HDAC9: variants seen among roughly 807,000 people sequenced by gnomAD.
The protein encoded by HDAC9 is histone deacetylase 9, also known as MEF-2 interacting transcription repressor (MITR) protein.
In HDAC9, 41 loss-of-function variants were observed where a neutral mutation model predicts 139.4. The ratio of observed to expected loss-of-function variants is 0.29; its 90% confidence interval spans 0.23 to 0.38. The LOEUF (loss-of-function observed/expected upper bound fraction) is 0.38, where lower values mean the gene tolerates loss of function less well. Among genes scored for constraint, HDAC9 ranks in the 10% least tolerant of loss-of-function variants. HDAC9 has a pLI of 1.00. For synonymous variants in HDAC9, 517 were observed against 476.2 expected, an observed-to-expected ratio of 1.09 and a Z score of -1.12; for missense variants, 1,147 against 1,297.0, an observed-to-expected ratio of 0.88 and a Z score of 1.78.
chr7:18,280,755 C>G (rs1051257222), intron 2 of HDAC9, among the ~76,000 whole-genome samples: 6 of 110,740 alleles, frequency 5.4e-5, no homozygotes, highest in African/African-American at 1.9e-4. Context: ...AGAATGAGAC[C>G]CTGTCTCAAA....
At chr7:18,659,487 A>G (rs1036744646) in intron 11 of HDAC9, among the ~76,000 whole-genome samples, 1 of 152,144 alleles carries the variant, frequency 6.6e-6, no homozygotes, top group African/African-American at 2.4e-5. Flanking sequence ...AAATTTGGAT[A>G]AATTACGATG....
rs1003484599 is a variant in HDAC9, at chr7:18,949,557, G to A, written c.2938-4589G>A. The A allele has an allele frequency of 3.0e-4, 62 of 210,066 alleles. 1 individual carries two copies. The highest frequency in any genetic ancestry group is 3.4e-4 in the South Asian group (4 of 11,688). The allele number at this position is 210,066 out of a possible 1,614,324, so 13.0% of individuals were successfully genotyped here. A position where few individuals can be genotyped will look rare whatever the true frequency, so the allele number is the denominator to read the frequency against. ...CCAGTGTTACTTTTATTTGGACTGC[G>A]TTTATATTTCATTGCTTCTGCTTCA... On this transcript the variant is annotated intron_variant, in intron 23 of 25. Coordinates refer to ENST00000686413, the MANE Select transcript of HDAC9 (RefSeq NM_178425.4).
rs1028110654 is a variant in HDAC9, at chr7:19,001,954, G to A, written c.*5892G>A. 6.6e-6 allele frequency: 1 copy of A among 151,976 alleles called. No individual in the cohort carries two copies. Among genetic ancestry groups the A allele is most frequent in the Non-Finnish European group, 1.5e-5 (1 of 67,926 alleles). 9.4% of individuals were successfully genotyped at this position (151,976 alleles called of 1,614,324 possible). On this transcript the variant is annotated 3_prime_UTR_variant, in exon 26 of 26. Transcript: ENST00000686413. ...GTATGCCAATAGCCTAGAATTTTTG[G>A]CTTAGTGTAAAATAAAAATGTCTTT...
intron 1 of HDAC9, among the ~76,000 whole-genome samples, chr7:18,105,823 C>G (rs1303707301): frequency 6.6e-6 from 1 of 151,862 alleles, no homozygotes; most frequent in African/African-American, 2.4e-5. Context: ...TGGAAACAAC[C>G]CAAATGTTTA....
intron 24 of HDAC9, among the ~76,000 whole-genome samples, chr7:18,970,585 T>TAAAC (rs1188329030): frequency 6.6e-6 from 1 of 152,202 alleles, no homozygotes; most frequent in East Asian, 1.9e-4. Context: ...TTTTTGCATT[T>TAAAC]AAACAATGTT....
intron 14 of HDAC9, among the ~76,000 whole-genome samples, chr7:18,756,747 G>A (rs1379166504): frequency 6.6e-6 from 1 of 152,156 alleles, no homozygotes; most frequent in Non-Finnish European, 1.5e-5. Context: ...GGACACGTGG[G>A]AGTCAGGACC....
intron 21 of HDAC9, among the ~76,000 whole-genome samples, chr7:18,854,841 C>T (rs1797557035): frequency 6.6e-6 from 1 of 151,976 alleles, no homozygotes; most frequent in Admixed American, 6.6e-5. Flanking sequence ...GGGATTTTAT[C>T]ACGGTCATTG....
chr7:18,340,173 T>C (rs1036122672), intron 1 of HDAC9, among the ~76,000 whole-genome samples: 1 of 151,576 alleles, frequency 6.6e-6, no homozygotes, highest in African/African-American at 2.4e-5. Flanking sequence ...TTCTTTGCTT[T>C]GCAAACTATA....
chr7:18,406,472 C>T (rs1284113042), intron 1 of HDAC9, among the ~76,000 whole-genome samples: 5 of 152,040 alleles, frequency 3.3e-5, no homozygotes, highest in Non-Finnish European at 7.4e-5. Context: ...CAGCTCACTG[C>T]AAGCTCCGCC....
intron 1 of HDAC9, among the ~76,000 whole-genome samples, chr7:18,141,517 A>T (rs796452084): frequency 2.2e-4 from 33 of 152,286 alleles, no homozygotes; most frequent in African/African-American, 7.2e-4. Flanking sequence ...GAGGACTAAC[A>T]TCTCTGAATA....
chr7:18,143,935 A>T (rs977904009), intron 1 of HDAC9, among the ~76,000 whole-genome samples: 9 of 152,156 alleles, frequency 5.9e-5, no homozygotes, highest in Non-Finnish European at 2.9e-5. Flanking sequence ...GAAGAAAAAA[A>T]GCCTAAATCG....
At chr7:18,934,945 A>C (rs959969420) in intron 22 of HDAC9, among the ~76,000 whole-genome samples, 1 of 152,198 alleles carries the variant, frequency 6.6e-6, no homozygotes, top group African/African-American at 2.4e-5. Context: ...ACCTCTGTTG[A>C]CATATAATGG....
At chr7:18,099,898 A>G (rs1346006152) in intron 1 of HDAC9, among the ~76,000 whole-genome samples, 1 of 152,172 alleles carries the variant, frequency 6.6e-6, no homozygotes, top group East Asian at 1.9e-4. Flanking sequence ...AATCTTTTGT[A>G]TTTACTCGAG....
Position 18,732,793 on chromosome 7 carries a change from T to TTGTGCGTATGTGTACACACACGTGTGTA in HDAC9, c.1909+5040_1909+5041insCGTATGTGTACACACACGTGTGTATGTG, listed in dbSNP as rs1786311331. Among the ~76,000 whole-genome samples the TTGTGCGTATGTGTACACACACGTGTGTA allele has an allele frequency of 1.3e-4, 6 of 45,592 alleles. 3 individuals are homozygous for TTGTGCGTATGTGTACACACACGTGTGTA. Among genetic ancestry groups the TTGTGCGTATGTGTACACACACGTGTGTA allele is most frequent in the African/African-American group, 7.3e-4 (4 of 5,510 alleles). 29.9% of individuals were successfully genotyped at this position (45,592 alleles called of 152,430 possible). On this transcript the variant is annotated intron_variant, in intron 13 of 25. Coordinates refer to ENST00000686413, the MANE Select transcript of HDAC9 (RefSeq NM_178425.4). ...TGCGTATGTGTACACACACGTGTGT[T>TTGTGCGTATGTGTACACACACGTGTGTA]TGTGTGCGTATGTGTACACACACGT... is the stretch of plus-strand genomic sequence containing the variant.
intron 1 of HDAC9, among the ~76,000 whole-genome samples, chr7:18,137,700 G>T (rs1287114104): frequency 2.0e-5 from 3 of 151,658 alleles, no homozygotes; most frequent in African/African-American, 7.3e-5. Context: ...TGCTGGATTC[G>T]TTTTGCCAGT....
At chr7:18,332,406 AG>A (rs1429141169) in intron 1 of HDAC9, among the ~76,000 whole-genome samples, 13 of 151,490 alleles carry the variant, frequency 8.6e-5, no homozygotes, top group Non-Finnish European at 1.2e-4. Flanking sequence ...AGAGAGAGAG[AG>A]AGAGATTTTT....
intron 24 of HDAC9, 94 bp from the exon 25 acceptor site, chr7:18,975,712 C>T (rs1175117715): frequency 7.4e-6 from 9 of 1,221,280 alleles, no homozygotes; most frequent in Non-Finnish European, 1.1e-5. Flanking sequence ...GGAATTTTAA[C>T]TTAACAACTG....
chr7:18,187,681 C>T (rs1466664335), intron 2 of HDAC9, among the ~76,000 whole-genome samples: 4 of 152,190 alleles, frequency 2.6e-5, no homozygotes, highest in African/African-American at 9.7e-5. Flanking sequence ...TTCCCTCTCC[C>T]CTCCATTCAG....
chr7:18,529,160 A>AG (rs1474696761), intron 2 of HDAC9, among the ~76,000 whole-genome samples: 2 of 152,172 alleles, frequency 1.3e-5, no homozygotes, highest in African/African-American at 4.8e-5. Flanking sequence ...AATTAAAAAT[A>AG]GGAGACAGAA....
Sources: gnomAD v4.1 joint callset for allele counts (sites outside exome capture counted in the v4.1 genomes callset) on GRCh38, gnomAD v4.1.1 for gene constraint, MANE v1.5 for transcripts, NCBI Gene and HGNC (gene_info 2026-07-23, HGNC 2026-07-21) for gene names.